The following OLFM3 variants were observed in gnomAD, a reference collection of about 807,000 sequenced individuals.
OLFM3 encodes the protein olfactomedin 3.
In OLFM3, 20 loss-of-function variants were observed where a neutral mutation model predicts 48.6. That is an observed-to-expected ratio of 0.41 (90% CI 0.29 to 0.60). The LOEUF (loss-of-function observed/expected upper bound fraction) is 0.60, where lower values mean the gene tolerates loss of function less well. OLFM3 is among the 20% of genes least tolerant of loss of function. OLFM3 has a pLI of 0.28. For synonymous variants in OLFM3, 222 were observed against 198.1 expected (o/e 1.12, Z -1.01); for missense variants, 437 against 544.3 (o/e 0.80, Z 1.96).
At chr1:101,934,682 C>T (rs1016315197) in intron 1 of OLFM3, among the ~76,000 whole-genome samples, 1 of 152,064 alleles carries the variant, frequency 6.6e-6, no homozygotes, top group African/African-American at 2.4e-5. Context: ...CTCATCTGCA[C>T]ATAGCATATA....
intron 1 of OLFM3, among the ~76,000 whole-genome samples, chr1:101,881,849 A>T (rs546306369): frequency 2.0e-5 from 3 of 151,120 alleles, no homozygotes; most frequent in Non-Finnish European, 3.0e-5. Flanking sequence ...GATCATCTCT[A>T]CTTCTTTCTT....
At chr1:101,862,864 A>G (rs1369337983) in intron 1 of OLFM3, among the ~76,000 whole-genome samples, 1 of 152,250 alleles carries the variant, frequency 6.6e-6, no homozygotes, top group Admixed American at 6.5e-5. Flanking sequence ...TTAGAACATT[A>G]AAAATAGGCA....
At chr1:101,912,028 C>A (rs1401043280) in intron 1 of OLFM3, among the ~76,000 whole-genome samples, 1 of 152,142 alleles carries the variant, frequency 6.6e-6, no homozygotes, top group East Asian at 1.9e-4. Context: ...TGAGGCATGA[C>A]AGGTCCTCAG....
At chr1:101,870,571 C>T (rs967100423) in intron 1 of OLFM3, among the ~76,000 whole-genome samples, 5 of 152,254 alleles carry the variant, frequency 3.3e-5, no homozygotes, top group African/African-American at 4.8e-5. Flanking sequence ...CCAATTGCTA[C>T]GTTTCTAATG....
chr1:101,836,528 T>C (rs1213016417), intron 2 of OLFM3, among the ~76,000 whole-genome samples: 1 of 152,140 alleles, frequency 6.6e-6, no homozygotes, highest in African/African-American at 2.4e-5. Context: ...GATTCAAAAG[T>C]TTGAGCTCCA....
intron 1 of OLFM3, among the ~76,000 whole-genome samples, chr1:101,879,446 C>T (rs1657431658): frequency 1.3e-5 from 2 of 151,746 alleles, no homozygotes. Context: ...TGATGCTGGG[C>T]TCTATATCAT....
At chr1:101,854,677 A>C (rs1207324375) in intron 1 of OLFM3, among the ~76,000 whole-genome samples, 2 of 151,994 alleles carry the variant, frequency 1.3e-5, no homozygotes, top group Non-Finnish European at 2.9e-5. Context: ...TCAAATAGGA[A>C]ATAAAGATAT....
intron 1 of OLFM3, among the ~76,000 whole-genome samples, chr1:101,935,842 C>T (rs900307867): frequency 6.6e-6 from 1 of 152,050 alleles, no homozygotes; most frequent in Non-Finnish European, 1.5e-5. Context: ...AAATGTGATT[C>T]ATCTCATAAA....
intron 4 of OLFM3, among the ~76,000 whole-genome samples, chr1:101,808,898 G>A (rs1415731752): frequency 1.3e-5 from 2 of 151,846 alleles, no homozygotes; most frequent in East Asian, 3.9e-4. Context: ...GGATAGACAA[G>A]ATCCTAGTAC....
At chr1:101,968,642 ACCAACTTCTATT>A (rs1660693815) in intron 1 of OLFM3, among the ~76,000 whole-genome samples, 1 of 152,122 alleles carries the variant, frequency 6.6e-6, no homozygotes, top group African/African-American at 2.4e-5. Context: ...GCAAAAGAAA[ACCAACTTCTATT>A]CCACTACTGT....
At chr1:101,805,230 T>TACA (rs5776593) in intron 5 of OLFM3, among the ~76,000 whole-genome samples, 120,426 of 151,464 alleles carry the variant, frequency 0.8, 47,992 homozygotes, top group East Asian at 0.93. Context: ...CAATGCAAAT[T>TACA]ACACCTGATA....
chr1:101,972,112 C>A (rs1194070254), intron 1 of OLFM3, among the ~76,000 whole-genome samples: 1 of 151,970 alleles, frequency 6.6e-6, no homozygotes, highest in Non-Finnish European at 1.5e-5. Flanking sequence ...AGTTTATGTT[C>A]AATTTCTTTC....
In OLFM3 at chr1:101,804,807, A is replaced by C; in HGVS notation, c.808T>G (p.Trp270Gly). The change falls in exon 6 of 6, where the codon TGG becomes GGG. Residue 270 changes from tryptophan to glycine, a missense_variant. This residue lies in a region of OLFM3 where 314 missense variants were observed against 365.5 expected (regional missense o/e 0.86). Transcript: ENST00000370103. This position sits in a 1 kb window ranked among gnomAD's most constrained non-coding sequence, Gnocchi z 4.5. ...TAGACAACATGGTTAGTTCCTGCCC[A>C]CTTGAAAGGAAGGTTGTATGTCCTT... is the stretch of plus-strand genomic sequence containing the variant. ...ESRTYNLPFKWAGTNHVVYNG... is the reference protein window; with the variant it reads ...ESRTYNLPFKGAGTNHVVYNG... 6.2e-7 allele frequency: 1 copy of C among 1,612,656 alleles called. No homozygotes were observed. Among genetic ancestry groups the C allele is most frequent in the Non-Finnish European group, 8.5e-7 (1 of 1,179,108 alleles).
At chr1:101,896,146 G>A (rs1237624953) in intron 1 of OLFM3, among the ~76,000 whole-genome samples, 1 of 152,030 alleles carries the variant, frequency 6.6e-6, no homozygotes, top group Admixed American at 6.5e-5. Flanking sequence ...GAAAGTTCCA[G>A]TTAAATAATA....
chr1:101,813,517 C>G (rs1358791593), intron 4 of OLFM3, among the ~76,000 whole-genome samples: 1 of 152,060 alleles, frequency 6.6e-6, no homozygotes, highest in Non-Finnish European at 1.5e-5. Context: ...TTCCTGCACA[C>G]GTGTCTTAAA....
intron 1 of OLFM3, among the ~76,000 whole-genome samples, chr1:101,975,856 AGTTGAAAAGATCAG>A: frequency 6.6e-6 from 1 of 152,246 alleles, no homozygotes; most frequent in South Asian, 2.1e-4. Flanking sequence ...ACACACAGAG[AGTTGAAAAGATCAG>A]GGAAACAAAG....
At chr1:101,856,857 C>A (rs1211820507) in intron 1 of OLFM3, among the ~76,000 whole-genome samples, 1 of 151,824 alleles carries the variant, frequency 6.6e-6, no homozygotes, top group Non-Finnish European at 1.5e-5. Flanking sequence ...ATATTGGATT[C>A]AAATAGTTCC....
At chr1:101,844,060 T>C (rs1655865527) in intron 1 of OLFM3, among the ~76,000 whole-genome samples, 1 of 152,150 alleles carries the variant, frequency 6.6e-6, no homozygotes, top group Admixed American at 6.5e-5. Context: ...TGTCAACCCT[T>C]CCATCTAAGG....
intron 1 of OLFM3, among the ~76,000 whole-genome samples, chr1:101,956,013 T>C (rs1465982285): frequency 6.6e-6 from 1 of 151,592 alleles, no homozygotes; most frequent in African/African-American, 2.4e-5. Flanking sequence ...ACATTACTGG[T>C]CACCAAATTC....
Sources: gnomAD v4.1 joint callset for allele counts (sites outside exome capture counted in the v4.1 genomes callset) on GRCh38, gnomAD v4.1.1 for gene constraint, gnomAD v4.1.1 regional missense constraint, Gnocchi (gnomAD v3.1) non-coding constraint, MANE v1.5 for transcripts, NCBI Gene and HGNC (gene_info 2026-07-23, HGNC 2026-07-21) for gene names.